Variants in FAM210A observed in about 807,000 individuals in gnomAD.
The protein encoded by FAM210A is family with sequence similarity 210 member A.
In FAM210A, 13 loss-of-function variants were observed where a neutral mutation model predicts 25.3. The ratio of observed to expected loss-of-function variants is 0.51; its 90% CI spans 0.33 to 0.82. FAM210A has a LOEUF of 0.82. Among genes scored for constraint, FAM210A ranks in the 40% least tolerant of loss-of-function variants. The probability of loss-of-function intolerance (pLI) is 0.02; values close to 1 mark genes in which losing one functional copy is unlikely to be tolerated. For missense variants in FAM210A, 319 were observed against 323.2 expected (o/e 0.99, Z 0.10); for synonymous variants, 125 against 118.7 (o/e 1.05, Z -0.35).
chr18:13,726,029 G>A (rs979090312), intron 1 of FAM210A, among the ~76,000 whole-genome samples: 2 of 152,210 alleles, frequency 1.3e-5, no homozygotes, highest in Non-Finnish European at 2.9e-5. Context: ...CGGAAGAAGG[G>A]GGGAGAACAC....
At chr18:13,707,115 T>C (rs1348310449) in intron 1 of FAM210A, among the ~76,000 whole-genome samples, 4 of 152,186 alleles carry the variant, frequency 2.6e-5, no homozygotes, top group Non-Finnish European at 4.4e-5. Flanking sequence ...CTGAAAGAAA[T>C]GTGCAGCCAT....
At chr18:13,716,128 C>T (rs1290376482) in intron 1 of FAM210A, among the ~76,000 whole-genome samples, 1 of 152,172 alleles carries the variant, frequency 6.6e-6, no homozygotes, top group Non-Finnish European at 1.5e-5. Flanking sequence ...CTGATGGCTA[C>T]TGTATTAGAC....
chr18:13,665,381 C>CAAAAAAAAAAAAAAAAAAAAA lies in FAM210A; in HGVS notation c.*1078_*1098dup, dbSNP rs56656145. On this transcript the variant is annotated 3_prime_UTR_variant, in exon 4 of 4. Coordinates refer to ENST00000651643, the MANE Select transcript of FAM210A (RefSeq NM_152352.4). ...GGAGAGAGAGAGGGAGGCTCCGTCT[C>CAAAAAAAAAAAAAAAAAAAAA]AAAAAAAAAAAAAAAAAAAAAAAAA... is the stretch of plus-strand genomic sequence containing the variant. 152 of 63,704 alleles carry CAAAAAAAAAAAAAAAAAAAAA rather than the reference C, an allele frequency of 2.4e-3. 6 individuals carry two copies. Among genetic ancestry groups the CAAAAAAAAAAAAAAAAAAAAA allele is most frequent in the Non-Finnish European group, 3.5e-3 (110 of 31,304 alleles). 3.9% of individuals were successfully genotyped at this position (63,704 alleles called of 1,614,324 possible). A position where few individuals can be genotyped will look rare whatever the true frequency, so the allele number is the denominator to read the frequency against.
At chr18:13,682,198 T>G (rs777985722) in intron 1 of FAM210A, 93 bp from the exon 2 acceptor site, 109 of 833,862 alleles carry the variant, frequency 1.3e-4, no homozygotes, top group Non-Finnish European at 1.9e-4. Flanking sequence ...CATTAGGAAG[T>G]AAAAAGACAG....
intron 1 of FAM210A, among the ~76,000 whole-genome samples, chr18:13,693,147 G>C (rs971896415): frequency 1.3e-5 from 2 of 152,184 alleles, no homozygotes; most frequent in African/African-American, 2.4e-5. Flanking sequence ...AGAAAATCTA[G>C]AAGAAATGGA....
At chr18:13,698,365 A>AAT (rs1473406359) in intron 1 of FAM210A, among the ~76,000 whole-genome samples, 1 of 151,540 alleles carries the variant, frequency 6.6e-6, no homozygotes, top group East Asian at 1.9e-4. Flanking sequence ...AAAAAAAAAA[A>AAT]AAAAAAATAA....
Position 13,690,596 on chromosome 18 carries a change from A to G in FAM210A, c.-28-8491T>C, listed in dbSNP as rs1311073164. On this transcript the variant is annotated intron_variant, in intron 1 of 3. Coordinates refer to ENST00000651643, the MANE Select transcript of FAM210A (RefSeq NM_152352.4). ...CAGGCAGCAACATCTGCCATTCTGC[A>G]ATATTTGCTGTTCTGCAGCCTCTGC... Among the ~76,000 whole-genome samples, 3 of 152,252 alleles carry G rather than the reference A, an allele frequency of 2.0e-5. 1 individual carries two copies. In the East Asian group the frequency reaches 5.8e-4, roughly 29 times the overall value.
chr18:13,709,426 C>A (rs1340906109), intron 1 of FAM210A, among the ~76,000 whole-genome samples: 1 of 152,178 alleles, frequency 6.6e-6, no homozygotes, highest in Non-Finnish European at 1.5e-5. Context: ...CTCCTTGGAA[C>A]AAGTCATTCT....
chr18:13,714,514 A>T (rs1483274551), intron 1 of FAM210A, among the ~76,000 whole-genome samples: 1 of 152,214 alleles, frequency 6.6e-6, no homozygotes, highest in Non-Finnish European at 1.5e-5. Context: ...TTTGAGCAAG[A>T]AAGTGATATG....
At chr18:13,713,373 T>C (rs898983726) in intron 1 of FAM210A, among the ~76,000 whole-genome samples, 3 of 152,212 alleles carry the variant, frequency 2.0e-5, no homozygotes, top group East Asian at 1.9e-4. Flanking sequence ...GTTAGCATGA[T>C]ATATTTCTTC....
chr18:13,693,660 T>C (rs1349178638), intron 1 of FAM210A, among the ~76,000 whole-genome samples: 4 of 152,188 alleles, frequency 2.6e-5, no homozygotes, highest in East Asian at 1.9e-4. Context: ...ATTATCTCAA[T>C]AGATGCAGAA....
chr18:13,716,171 A>G (rs1252149269), intron 1 of FAM210A, among the ~76,000 whole-genome samples: 3 of 152,222 alleles, frequency 2.0e-5, no homozygotes, highest in Non-Finnish European at 2.9e-5. Context: ...AAAGACTTCC[A>G]CTTTAAGATT....
chr18:13,715,958 C>CTT (rs2043858538), intron 1 of FAM210A, among the ~76,000 whole-genome samples: 1 of 152,176 alleles, frequency 6.6e-6, no homozygotes, highest in Non-Finnish European at 1.5e-5. Context: ...ACAGATTTTT[C>CTT]TGAAATGATG....
At position 13,671,911 on chromosome 18, in the gene FAM210A, A is replaced by G. The variant is rs1394776842; in HGVS notation, c.536T>C (p.Leu179Pro). ...IGLPDSVVSI[L>P]KNSQSGNALT... ...GGCATTTCCACTCTGGGAGTTTTTC[A>G]GGATGCTTACCACACTGTCAGGTAA... The change falls in exon 3 of 4, where the codon CTG becomes CCG. Residue 179 changes from leucine (L) to proline (P), a missense_variant. Physicochemically the swap from Leu to Pro is moderately conservative, Grantham distance 98. Transcript: ENST00000651643. 6.2e-6 allele frequency: 10 copies of G among 1,613,522 alleles called. No homozygotes were observed. The highest frequency in any genetic ancestry group is 8.5e-6 in the Non-Finnish European group (10 of 1,179,732).
rs141766724 is a variant in FAM210A, at chr18:13,680,633, A to G, written c.473+972T>C. Among the ~76,000 whole-genome samples, 231 of 152,332 alleles carry G rather than the reference A, an allele frequency of 1.5e-3. 1 individual carries two copies. Among genetic ancestry groups the G allele is most frequent in the Middle Eastern group, 0.014 (4 of 294 alleles). ...GTGAGCTTTACGTACAACACTAACCATATTTTGTTAATGTCTTGATATCAA... is the reference window on the plus strand; with the variant it reads ...GTGAGCTTTACGTACAACACTAACCGTATTTTGTTAATGTCTTGATATCAA... On this transcript the variant is annotated intron_variant, in intron 2 of 3. Transcript: ENST00000651643.
chr18:13,696,194 T>A (rs955081762), intron 1 of FAM210A, among the ~76,000 whole-genome samples: 3 of 152,198 alleles, frequency 2.0e-5, no homozygotes, highest in African/African-American at 7.2e-5. Context: ...CGAATCAAAA[T>A]CCTAGCAAAC....
At chr18:13,673,198 C>G (rs1284866639) in intron 2 of FAM210A, among the ~76,000 whole-genome samples, 41 of 151,656 alleles carry the variant, frequency 2.7e-4, no homozygotes, top group Non-Finnish European at 3.5e-4. Context: ...TTCCTGAGCC[C>G]CGACTTCTTT....
In FAM210A at chr18:13,681,818, T is replaced by C. The variant is rs774144774; in HGVS notation, c.260A>G (p.Lys87Arg). 6.2e-7 allele frequency: 1 copy of C among 1,614,194 alleles called. No homozygotes were observed. Residue 87 changes from lysine (K) to arginine (R), a missense_variant, in exon 2 of 4, where the codon AAG becomes AGG. Coordinates refer to ENST00000651643, the MANE Select transcript of FAM210A (RefSeq NM_152352.4). ...AACCCTCCTGAATGAAACATGTTGC[T>C]TCCCTTGCTTATGGCGAAGGACTCC... ...QPGVLRHKQG[K>R]QHVSFRRVFS...
chr18:13,724,585 A>C (rs2043919280), intron 1 of FAM210A, among the ~76,000 whole-genome samples: 2 of 152,350 alleles, frequency 1.3e-5, no homozygotes, highest in Middle Eastern at 3.4e-3. Context: ...TAACTTTAAA[A>C]TCATTTTTAT....
Sources: gnomAD v4.1 joint callset for allele counts (sites outside exome capture counted in the v4.1 genomes callset) on GRCh38, gnomAD v4.1.1 for gene constraint, MANE v1.5 for transcripts, NCBI Gene and HGNC (gene_info 2026-07-23, HGNC 2026-07-21) for gene names.